Variants in EPM2A observed in about 807,000 individuals in gnomAD.
The protein encoded by EPM2A is EPM2A glucan phosphatase, laforin, also known as laforin.
EPM2A carries 21 observed loss-of-function variants against 26.5 expected under a neutral mutation model. That is an observed-to-expected ratio of 0.79 (90% CI 0.56 to 1.14). The LOEUF (loss-of-function observed/expected upper bound fraction) is 1.14. Ranked by LOEUF, EPM2A falls within the 50% of genes most tolerant of loss-of-function variation. The pLI is 0.00. For missense variants in EPM2A, 458 were observed against 440.8 expected (o/e 1.04, Z -0.35); for synonymous variants, 217 against 177.6 (o/e 1.22, Z -1.76).
At chr6:145,455,604 C>T (rs951229719) in intron 4 of EPM2A, among the ~76,000 whole-genome samples, 15 of 152,280 alleles carry the variant, frequency 9.9e-5, no homozygotes, top group South Asian at 2.1e-4. Context: ...GTGATCCACC[C>T]GCCTCGGCAT....
chr6:145,432,165 C>A (rs1778930880), intron 4 of EPM2A, among the ~76,000 whole-genome samples: 1 of 152,174 alleles, frequency 6.6e-6, no homozygotes, highest in African/African-American at 2.4e-5. Flanking sequence ...CCAAAGTCAT[C>A]CATCAGGGCT....
At chr6:145,608,432 T>G (rs533932783) in intron 2 of EPM2A, among the ~76,000 whole-genome samples, 2 of 152,336 alleles carry the variant, frequency 1.3e-5, no homozygotes, top group South Asian at 4.1e-4. Flanking sequence ...TTAATGTTAT[T>G]TTGTGGAATG....
chr6:145,628,333 C>A (rs1268927756), intron 3 of EPM2A: 1 of 154,054 alleles, frequency 6.5e-6, no homozygotes, highest in Non-Finnish European at 1.4e-5. Context: ...TTGGGGTTTA[C>A]TTCAAGGTTA....
At chr6:145,557,538 T>C (rs1780745540) in intron 2 of EPM2A, among the ~76,000 whole-genome samples, 1 of 152,146 alleles carries the variant, frequency 6.6e-6, no homozygotes, top group African/African-American at 2.4e-5. Context: ...TTCTACATGT[T>C]GTTGAAGAGA....
At chr6:145,507,682 G>A (rs1176413682) in intron 2 of EPM2A, among the ~76,000 whole-genome samples, 1 of 152,216 alleles carries the variant, frequency 6.6e-6, no homozygotes, top group Non-Finnish European at 1.5e-5. Context: ...TTGGGCCAGA[G>A]ACTGGGGTTC....
intron 4 of EPM2A, among the ~76,000 whole-genome samples, chr6:145,484,994 T>C (rs1012966443): frequency 7.8e-4 from 116 of 147,822 alleles, no homozygotes; most frequent in African/African-American, 2.7e-3. Flanking sequence ...CATTAAAATA[T>C]ATATATATAT....
At chr6:145,604,350 AT>A (rs1328182789) in intron 2 of EPM2A, among the ~76,000 whole-genome samples, 1 of 152,152 alleles carries the variant, frequency 6.6e-6, no homozygotes, top group South Asian at 2.1e-4. Context: ...GAAAAATAAC[AT>A]ATTAGATGTT....
chr6:145,388,592 G>T (rs1486453754), intron 4 of EPM2A, among the ~76,000 whole-genome samples: 1 of 152,074 alleles, frequency 6.6e-6, no homozygotes, highest in Non-Finnish European at 1.5e-5. Context: ...GTATACATGT[G>T]CCATGGTGGT....
intron 4 of EPM2A, among the ~76,000 whole-genome samples, chr6:145,435,735 A>G (rs1006301578): frequency 1.3e-5 from 2 of 152,052 alleles, no homozygotes; most frequent in African/African-American, 2.4e-5. Flanking sequence ...TGTGAATCAC[A>G]CAATTTTTTT....
chr6:145,682,363 A>T (rs1780606749), intron 2 of EPM2A: 1 of 152,154 alleles, frequency 6.6e-6, no homozygotes, highest in African/African-American at 2.4e-5. Context: ...ATGCAAGACG[A>T]GATTTGGGTC....
intron 2 of EPM2A, among the ~76,000 whole-genome samples, chr6:145,609,942 C>A (rs9497370): frequency 3.9e-4 from 59 of 152,246 alleles, no homozygotes; most frequent in Non-Finnish European, 7.6e-4. Flanking sequence ...TTGGGCCAGG[C>A]GCAGTGGCTC....
At chr6:145,566,596 T>G (rs932349204) in intron 2 of EPM2A, among the ~76,000 whole-genome samples, 1 of 152,204 alleles carries the variant, frequency 6.6e-6, no homozygotes, top group African/African-American at 2.4e-5. Flanking sequence ...CAGTGAAGGT[T>G]ATTGAAGGTG....
chr6:145,476,944 G>C (rs1779550646), intron 4 of EPM2A, among the ~76,000 whole-genome samples: 1 of 151,558 alleles, frequency 6.6e-6, no homozygotes, highest in African/African-American at 2.4e-5. Context: ...AAATAGCATA[G>C]ATCAGAGTAA....
rs1583056857 is a variant in EPM2A, at chr6:145,687,663, CTGTCTTACAAAAT to C, written c.302-1380_302-1368del. ...ATTCATTTGTTCTTTTCTCTTTGTT[CTGTCTTACAAAAT>C]ATTTAACCTAAATTTGCTTGGCGTA... On this transcript the variant is annotated intron_variant, in intron 1 of 3. Coordinates refer to ENST00000367519, the MANE Select transcript of EPM2A (RefSeq NM_005670.4). Among the ~76,000 whole-genome samples the C allele has an allele frequency of 3.3e-5, 5 of 152,194 alleles. No homozygotes were observed. The East Asian group carries it at 7.7e-4, about 24-fold the overall frequency.
At chr6:145,687,137 C>T (rs977691033) in intron 1 of EPM2A, among the ~76,000 whole-genome samples, 4 of 152,080 alleles carry the variant, frequency 2.6e-5, no homozygotes, top group Admixed American at 6.6e-5. Flanking sequence ...TCCTAACACC[C>T]AAGGTGTTGG....
intron 2 of EPM2A, chr6:145,635,739 A>G: frequency 2.2e-6 from 1 of 457,758 alleles, no homozygotes; most frequent in South Asian, 2.2e-5. Context: ...ATCAAGCAAT[A>G]TATTAAAATA....
At chr6:145,435,316 C>A (rs1260900761) in intron 4 of EPM2A, among the ~76,000 whole-genome samples, 1 of 150,688 alleles carries the variant, frequency 6.6e-6, no homozygotes, top group Admixed American at 6.6e-5. Context: ...AAGATAAATA[C>A]CAGAACAAAC....
chr6:145,545,618 A>G (rs767151587), intron 2 of EPM2A, among the ~76,000 whole-genome samples: 17 of 152,140 alleles, frequency 1.1e-4, no homozygotes, highest in Non-Finnish European at 2.4e-4. Flanking sequence ...CTTTTAAGTA[A>G]ATAAATCTAA....
chr6:145,535,320 A>G (rs952036395), intron 2 of EPM2A, among the ~76,000 whole-genome samples: 2 of 152,258 alleles, frequency 1.3e-5, no homozygotes, highest in Non-Finnish European at 2.9e-5. Flanking sequence ...GGTGACACTT[A>G]CTGTCAAGGA....
Sources: allele counts gnomAD v4.1 joint callset (sites outside exome capture counted in the v4.1 genomes callset), GRCh38; gene constraint gnomAD v4.1.1; transcripts MANE v1.5; gene names NCBI Gene and HGNC (gene_info 2026-07-23, HGNC 2026-07-21).